The following CRACD variants were observed in gnomAD, a reference collection of about 807,000 sequenced individuals.
The protein encoded by CRACD is capping protein inhibiting regulator of actin dynamics.
In CRACD, 56 loss-of-function variants were observed where a neutral mutation model predicts 106.8. The observed-to-expected ratio is 0.52, with a 90% CI of 0.42 to 0.66. The LOEUF (loss-of-function observed/expected upper bound fraction) is 0.66, where lower values mean the gene tolerates loss of function less well. CRACD is among the 30% of genes least tolerant of loss of function. The probability of loss-of-function intolerance (pLI) is 0.00; values close to 1 mark genes in which losing one functional copy is unlikely to be tolerated. For synonymous variants in CRACD, 754 were observed against 670.8 expected, an observed-to-expected ratio of 1.12 and a Z score of -1.92; for missense variants, 1,730 against 1,623.2, an observed-to-expected ratio of 1.07 and a Z score of -1.13.
chr4:56,110,386 A>G (rs1317052173), intron 1 of CRACD, among the ~76,000 whole-genome samples: 3 of 152,184 alleles, frequency 2.0e-5, no homozygotes, highest in African/African-American at 7.2e-5. Context: ...GTCAAAAGGA[A>G]GAGGAAAACA....
intron 1 of CRACD, among the ~76,000 whole-genome samples, chr4:56,167,199 CA>C (rs1357428564): frequency 6.6e-6 from 1 of 152,020 alleles, no homozygotes; most frequent in Non-Finnish European, 1.5e-5. Flanking sequence ...TAAGTTATTT[CA>C]TTTTTTTCAA....
chr4:56,308,924 G>C (rs750704123), intron 5 of CRACD: 283 of 1,288,574 alleles, frequency 2.2e-4, no homozygotes, highest in Non-Finnish European at 2.7e-4. Flanking sequence ...TGTTCAGCAG[G>C]CTCTGTCTCA....
Position 56,307,716 on chromosome 4 carries a change from G to A in CRACD, c.285+17G>A, listed in dbSNP as rs1318942536. ...GAGAACAAGGTAAGTCTCCTCCAGG[G>A]AATGACTTGATGGCTCATAAACCAG... On this transcript the variant is annotated intron_variant, in intron 5 of 10. Coordinates refer to ENST00000682029, the MANE Select transcript of CRACD (RefSeq NM_001393381.1). 6.8e-6 allele frequency: 11 copies of A among 1,613,530 alleles called. 1 individual carries two copies. Among genetic ancestry groups the A allele is most frequent in the Middle Eastern group, 1.7e-4 (1 of 5,948 alleles).
chr4:56,322,213 A>G (rs1746148914), intron 8 of CRACD, among the ~76,000 whole-genome samples: 2 of 152,244 alleles, frequency 1.3e-5, no homozygotes, highest in Non-Finnish European at 2.9e-5. Flanking sequence ...AGGATTTGCC[A>G]AGAACTGTTG....
intron 1 of CRACD, among the ~76,000 whole-genome samples, chr4:56,154,382 C>T (rs1273077833): frequency 6.6e-6 from 1 of 152,118 alleles, no homozygotes; most frequent in Non-Finnish European, 1.5e-5. Context: ...AGGAGTATAC[C>T]TTAAGCCCAG....
intron 2 of CRACD, among the ~76,000 whole-genome samples, chr4:56,245,822 A>G (rs1247484199): frequency 6.6e-6 from 1 of 152,230 alleles, no homozygotes; most frequent in South Asian, 2.1e-4. Flanking sequence ...CGAACTTCCA[A>G]TGTTTGGTTG....
intron 1 of CRACD, among the ~76,000 whole-genome samples, chr4:56,054,982 T>C (rs1286703522): frequency 6.6e-6 from 1 of 152,190 alleles, no homozygotes; most frequent in African/African-American, 2.4e-5. Context: ...CTGTATTCAA[T>C]ATGAATTGAG....
chr4:56,310,266 G>T (rs1296647572), intron 5 of CRACD, among the ~76,000 whole-genome samples: 2 of 152,134 alleles, frequency 1.3e-5, no homozygotes, highest in Non-Finnish European at 2.9e-5. Context: ...GATGGGGGAG[G>T]TGTGGCTGGA....
chr4:56,112,994 AT>A lies in CRACD; in HGVS notation c.-336+63697del, dbSNP rs569728653. Among the ~76,000 whole-genome samples the A allele has an allele frequency of 1.2e-4, 18 of 149,652 alleles. No individual in the cohort carries two copies. The South Asian group carries it at 3.9e-3, about 32-fold the overall frequency. On this transcript the variant is annotated intron_variant, in intron 1 of 10. Coordinates refer to ENST00000682029, the MANE Select transcript of CRACD (RefSeq NM_001393381.1). The stretch of plus-strand genomic sequence containing the variant: ...GTGTTTTAAGACTTAAAAAAAAAAA[AT>A]TCCCAGATAGACTTCAGTAGGCCTA...
chr4:56,231,779 A>G (rs1257519577), intron 2 of CRACD, among the ~76,000 whole-genome samples: 1 of 152,186 alleles, frequency 6.6e-6, no homozygotes, highest in Non-Finnish European at 1.5e-5. Flanking sequence ...GGATTTCTTG[A>G]TCTGGATGCT....
At chr4:56,324,055 A>C in intron 9 of CRACD, 49 bp from the exon 10 acceptor site, 1 of 1,557,324 alleles carries the variant, frequency 6.4e-7, no homozygotes, top group Non-Finnish European at 8.7e-7. Context: ...CAGTCTTTCC[A>C]TGTCTTAGGT....
chr4:56,251,516 G>A lies in CRACD; in HGVS notation c.-188-20805G>A, dbSNP rs74440557. 8.7e-4 allele frequency among the ~76,000 whole-genome samples: 133 copies of A among 152,308 alleles called. 2 individuals are homozygous for A. In the East Asian group the frequency reaches 0.023, roughly 27 times the overall value. On this transcript the variant is annotated intron_variant, in intron 2 of 10. Coordinates refer to ENST00000682029, the MANE Select transcript of CRACD (RefSeq NM_001393381.1). Reference sequence around the variant, plus strand: ...AAGTAAAGCATAATACTTTCTTAAAGTTCTACCCCAAATTATGAGTATTTA... The same window carrying A: ...AAGTAAAGCATAATACTTTCTTAAAATTCTACCCCAAATTATGAGTATTTA...
At chr4:56,251,414 G>C (rs1741049543) in intron 2 of CRACD, among the ~76,000 whole-genome samples, 3 of 152,252 alleles carry the variant, frequency 2.0e-5, no homozygotes, top group Admixed American at 6.5e-5. Flanking sequence ...ATTCAGCAGA[G>C]ACGTGTCTGG....
intron 2 of CRACD, among the ~76,000 whole-genome samples, chr4:56,226,858 TTC>T (rs368656403): frequency 2.5e-4 from 37 of 147,830 alleles, no homozygotes; most frequent in Admixed American, 2.7e-4. Flanking sequence ...GTGTGTCTCT[TTC>T]TCTCTCTCTC....
At chr4:56,208,591 G>A (rs946936740) in intron 2 of CRACD, among the ~76,000 whole-genome samples, 3 of 152,040 alleles carry the variant, frequency 2.0e-5, no homozygotes, top group African/African-American at 4.8e-5. Flanking sequence ...TATTAACAAC[G>A]TATTCACTAA....
intron 2 of CRACD, among the ~76,000 whole-genome samples, chr4:56,227,742 T>C (rs189887703): frequency 2.0e-5 from 3 of 152,334 alleles, no homozygotes; most frequent in African/African-American, 7.2e-5. Context: ...CACTTTGATT[T>C]AGAGAATCAC....
intron 3 of CRACD, among the ~76,000 whole-genome samples, chr4:56,277,455 A>T (rs1213677734): frequency 7.3e-5 from 3 of 40,830 alleles, no homozygotes; most frequent in South Asian, 4.9e-4. Flanking sequence ...CATGATTTAT[A>T]AAAAAAAAAA....
At chr4:56,262,035 C>T (rs1288962976) in intron 2 of CRACD, among the ~76,000 whole-genome samples, 1 of 152,110 alleles carries the variant, frequency 6.6e-6, no homozygotes, top group Non-Finnish European at 1.5e-5. Context: ...GAGTCACATA[C>T]TAAAAAGGAT....
chr4:56,124,053 T>G (rs1183367049), intron 1 of CRACD, among the ~76,000 whole-genome samples: 1 of 152,088 alleles, frequency 6.6e-6, no homozygotes, highest in Admixed American at 6.6e-5. Flanking sequence ...TTGTCCCGCC[T>G]CAGCCTCCCA....
Sources: allele counts gnomAD v4.1 joint callset (sites outside exome capture counted in the v4.1 genomes callset), GRCh38; gene constraint gnomAD v4.1.1; transcripts MANE v1.5; gene names NCBI Gene and HGNC (gene_info 2026-07-23, HGNC 2026-07-21).